The following TRMT11 variants were observed in gnomAD, a reference collection of about 807,000 sequenced individuals.
The protein encoded by TRMT11 is tRNA (guanine(10)-N(2))-methyltransferase TRMT11.
TRMT11 carries 53 observed loss-of-function variants against 62.8 expected under a neutral mutation model. The ratio of observed to expected loss-of-function variants is 0.84; its 90% CI spans 0.68 to 1.06. TRMT11 has a LOEUF of 1.06. Ranked by LOEUF, TRMT11 falls within the 50% of genes least tolerant of loss-of-function variation. TRMT11 has a pLI of 0.00. For missense variants in TRMT11, 556 were observed against 553.4 expected, an observed-to-expected ratio of 1.00 and a Z score of -0.05; for synonymous variants, 188 against 190.3, an observed-to-expected ratio of 0.99 and a Z score of 0.10.
chr6:126,166,436 C>G (rs1187722091), intron 21 of TRMT11, among the ~76,000 whole-genome samples: 3 of 152,060 alleles, frequency 2.0e-5, no homozygotes, highest in Non-Finnish European at 2.9e-5. Flanking sequence ...CACTCCAGAC[C>G]CTGTTTGTCT....
At chr6:126,064,509 T>A (rs1328873121) in intron 17 of TRMT11, among the ~76,000 whole-genome samples, 2 of 152,082 alleles carry the variant, frequency 1.3e-5, no homozygotes, top group African/African-American at 4.8e-5. Context: ...CCTGACTGAC[T>A]TGCATTCTGA....
intron 17 of TRMT11, among the ~76,000 whole-genome samples, chr6:126,109,601 T>C (rs1777507560): frequency 6.6e-6 from 1 of 152,202 alleles, no homozygotes; most frequent in Non-Finnish European, 1.5e-5. Flanking sequence ...TAAAATTTGA[T>C]TTAGATTCTA....
chr6:126,060,194 TC>T (rs1776490772), intron 17 of TRMT11, among the ~76,000 whole-genome samples: 1 of 152,188 alleles, frequency 6.6e-6, no homozygotes, highest in African/African-American at 2.4e-5. Context: ...GTTTTATTCT[TC>T]CTTTCTTCAT....
the TRMT11 span, among the ~76,000 whole-genome samples, chr6:126,257,743 A>G: frequency 1.3e-5 from 2 of 152,316 alleles, no homozygotes; most frequent in South Asian, 2.1e-4. Flanking sequence ...TAAAAACACA[A>G]AAAGTCTCAT....
chr6:126,253,295 T>C, the TRMT11 span, among the ~76,000 whole-genome samples: 2 of 152,206 alleles, frequency 1.3e-5, no homozygotes, highest in African/African-American at 4.8e-5. Context: ...CTCATGGAAC[T>C]GTCATCTTCT....
At chr6:126,192,163 A>C (rs756535290) in intron 1 of TRMT11, among the ~76,000 whole-genome samples, 1 of 152,048 alleles carries the variant, frequency 6.6e-6, no homozygotes, top group African/African-American at 2.4e-5. Flanking sequence ...CCTTTCACTT[A>C]TCTGGTTAAA....
At chr6:126,259,080 G>C in the TRMT11 span, among the ~76,000 whole-genome samples, 1 of 152,088 alleles carries the variant, frequency 6.6e-6, no homozygotes, top group Non-Finnish European at 1.5e-5. Context: ...GCAGTATTTG[G>C]TTTTCTGTTT....
chr6:126,225,641 C>T, the TRMT11 span, among the ~76,000 whole-genome samples: 2 of 146,458 alleles, frequency 1.4e-5, no homozygotes, highest in Admixed American at 6.8e-5. Flanking sequence ...AAAGGTTTTT[C>T]TGCTAGTTTT....
At chr6:126,034,741 C>G (rs965980522) in intron 12 of TRMT11, among the ~76,000 whole-genome samples, 1 of 151,940 alleles carries the variant, frequency 6.6e-6, no homozygotes, top group African/African-American at 2.4e-5. Context: ...TAGTGGTAGA[C>G]AGATTTAGAA....
chr6:126,224,339 A>G, the TRMT11 span, among the ~76,000 whole-genome samples: 1 of 152,066 alleles, frequency 6.6e-6, no homozygotes, highest in Non-Finnish European at 1.5e-5. Flanking sequence ...ACATTCCTTG[A>G]TGGCCTTGGG....
chr6:126,024,016 A>G (rs1004256148), intron 12 of TRMT11, among the ~76,000 whole-genome samples: 6 of 152,242 alleles, frequency 3.9e-5, no homozygotes, highest in Non-Finnish European at 8.8e-5. Flanking sequence ...ATTGCAATCT[A>G]GGTTTTTGCA....
At chr6:126,169,812 C>CT (rs1778310471) in intron 21 of TRMT11, among the ~76,000 whole-genome samples, 1 of 152,134 alleles carries the variant, frequency 6.6e-6, no homozygotes, top group Non-Finnish European at 1.5e-5. Context: ...GGAGAAATTA[C>CT]TTTTTGTTAT....
At chr6:126,000,393 T>G (rs1792275231) in intron 7 of TRMT11, among the ~76,000 whole-genome samples, 1 of 152,122 alleles carries the variant, frequency 6.6e-6, no homozygotes, top group African/African-American at 2.4e-5. Flanking sequence ...GAGCTAACGT[T>G]TATTGAATAG....
chr6:125,990,497 C>G (rs1211933920), intron 1 of TRMT11, among the ~76,000 whole-genome samples: 1 of 152,084 alleles, frequency 6.6e-6, no homozygotes, highest in Non-Finnish European at 1.5e-5. Flanking sequence ...GCTGTTCACT[C>G]TTGCAGCTGT....
chr6:126,186,314 A>G (rs1457561836), intron 1 of TRMT11, among the ~76,000 whole-genome samples: 1 of 152,188 alleles, frequency 6.6e-6, no homozygotes, highest in African/African-American at 2.4e-5. Context: ...TAAATTCAAG[A>G]TAAAGCAGTA....
the TRMT11 span, among the ~76,000 whole-genome samples, chr6:126,257,624 C>A: frequency 6.6e-6 from 1 of 152,084 alleles, no homozygotes. Flanking sequence ...GTTATCAGAT[C>A]CTTGGTTTTT....
chr6:126,076,426 GAT>G lies in TRMT11; in HGVS notation c.*1437+23238_*1437+23239del, dbSNP rs147261442. ...GAGACCATTGAGCCAAGAGAAAAGA[GAT>G]AATTTGGATGGCATTGATAGATAGA... On this transcript the variant is annotated intron_variant and NMD_transcript_variant, in intron 17 of 22. Coordinates refer to the TRMT11 transcript ENST00000648977. 6.2e-3 allele frequency among the ~76,000 whole-genome samples: 945 copies of G among 152,290 alleles called. 9 individuals are homozygous for G. Among genetic ancestry groups the G allele is most frequent in the African/African-American group, 0.022 (896 of 41,574 alleles).
intron 1 of TRMT11, among the ~76,000 whole-genome samples, chr6:126,192,598 TG>T (rs1170441962): frequency 6.6e-6 from 1 of 152,172 alleles, no homozygotes; most frequent in African/African-American, 2.4e-5. Context: ...TGGCTTTCAT[TG>T]GGTTGAGGTA....
the TRMT11 span, chr6:126,258,315 C>T: frequency 9.5e-6 from 4 of 422,136 alleles, no homozygotes; most frequent in South Asian, 7.6e-5. Context: ...CTGCCCCGCC[C>T]TGGGGCCAGG....
Sources: gnomAD v4.1 joint callset for allele counts (sites outside exome capture counted in the v4.1 genomes callset) on GRCh38, gnomAD v4.1.1 for gene constraint, MANE v1.5 for transcripts, NCBI Gene and HGNC (gene_info 2026-07-23, HGNC 2026-07-21) for gene names.